LAMA2: variants seen among roughly 807,000 people sequenced by gnomAD.
LAMA2 encodes the protein laminin subunit alpha 2.
In LAMA2, 269 loss-of-function variants were observed where a neutral mutation model predicts 364.8. The ratio of observed to expected loss-of-function variants is 0.74; its 90% CI spans 0.67 to 0.82. LAMA2 has a LOEUF of 0.82. Ranked by LOEUF, LAMA2 falls within the 40% of genes least tolerant of loss-of-function variation. The pLI is 0.00. For synonymous variants in LAMA2, 1,379 were observed against 1,370.6 expected, an observed-to-expected ratio of 1.01 and a Z score of -0.14; for missense variants, 3,807 against 3,873.2, an observed-to-expected ratio of 0.98 and a Z score of 0.45.
intron 28 of LAMA2, among the ~76,000 whole-genome samples, chr6:129,325,533 G>GT (rs201833533): frequency 0.096 from 13,897 of 145,086 alleles, 1,118 homozygotes; most frequent in East Asian, 0.41. Flanking sequence ...GAGAATTTCT[G>GT]TTTTTTTTTT....
rs557961938 is a variant in LAMA2 at position 129,429,080 on chromosome 6, C to T, written c.5968+1226C>T. Among the ~76,000 whole-genome samples the T allele has an allele frequency of 2.0e-5, 3 of 152,250 alleles. No homozygotes were observed. The South Asian group carries it at 6.2e-4, about 32-fold the overall frequency. On this transcript the variant is annotated intron_variant, in intron 41 of 64. Transcript: ENST00000421865. ...CCCCTTGGAATGCCCCATCCTTCAC[C>T]TCTCTTCTTTGCCTAACTGCTTTCT...
intron 4 of LAMA2, among the ~76,000 whole-genome samples, chr6:129,122,624 A>G (rs561540341): frequency 1.3e-5 from 2 of 152,134 alleles, no homozygotes; most frequent in Non-Finnish European, 2.9e-5. Context: ...GTGTGGATTC[A>G]GCAATCTCCA....
At chr6:129,230,294 T>C (rs979996492) in intron 12 of LAMA2, among the ~76,000 whole-genome samples, 2 of 152,128 alleles carry the variant, frequency 1.3e-5, no homozygotes, top group Non-Finnish European at 2.9e-5. Context: ...GAAATGAGAA[T>C]TGACCATTGG....
At chr6:129,151,637 T>C (rs1562279668) in intron 7 of LAMA2, among the ~76,000 whole-genome samples, 2 of 152,150 alleles carry the variant, frequency 1.3e-5, no homozygotes, top group Non-Finnish European at 1.5e-5. Flanking sequence ...AGGAAACTTA[T>C]GATCAAAGGG....
chr6:129,455,597 C>G (rs1782921105), intron 47 of LAMA2, among the ~76,000 whole-genome samples: 1 of 152,044 alleles, frequency 6.6e-6, no homozygotes, highest in Non-Finnish European at 1.5e-5. Context: ...GACTGCTTGT[C>G]TCAAAAGAGA....
intron 12 of LAMA2, among the ~76,000 whole-genome samples, chr6:129,196,240 A>C (rs1781841763): frequency 6.6e-6 from 1 of 152,164 alleles, no homozygotes; most frequent in South Asian, 2.1e-4. Flanking sequence ...GGCTTCTAAA[A>C]GTAATCTCTG....
intron 17 of LAMA2, among the ~76,000 whole-genome samples, chr6:129,272,568 A>AAT (rs748247689): frequency 6.6e-6 from 1 of 152,194 alleles, no homozygotes; most frequent in Non-Finnish European, 1.5e-5. Flanking sequence ...TTTAAAAAAA[A>AAT]ATACACACTG....
At chr6:129,290,471 C>A (rs1789613916) in intron 19 of LAMA2, among the ~76,000 whole-genome samples, 1 of 152,030 alleles carries the variant, frequency 6.6e-6, no homozygotes, top group Non-Finnish European at 1.5e-5. Flanking sequence ...AAAAGCAGTT[C>A]TTTTGTTTGT....
intron 1 of LAMA2, among the ~76,000 whole-genome samples, chr6:128,964,454 C>T (rs1781721589): frequency 1.3e-5 from 2 of 152,048 alleles, no homozygotes; most frequent in South Asian, 2.1e-4. Flanking sequence ...TTTTATAGGA[C>T]AGGGTACTCT....
chr6:129,156,381 T>C (rs1263368012), intron 8 of LAMA2, among the ~76,000 whole-genome samples: 1 of 152,034 alleles, frequency 6.6e-6, no homozygotes, highest in East Asian at 1.9e-4. Flanking sequence ...ACAGAGATCT[T>C]GCATGTCTTT....
chr6:129,445,565 A>G lies in LAMA2; in HGVS notation c.6275-102A>G, dbSNP rs73775417. The G allele has an allele frequency of 9.1e-3, 9,016 of 991,974 alleles. 536 individuals carry two copies. The African/African-American group carries it at 0.13, about 14-fold the overall frequency. The allele number at this position is 991,974 out of a possible 1,614,324, so 61.4% of individuals were successfully genotyped here. On this transcript the variant is annotated intron_variant, in intron 44 of 64. Transcript: ENST00000421865. The stretch of plus-strand genomic sequence containing the variant: ...AGCTGTTATGGCCATGCTTTGTCAC[A>G]TTAATAAGATGAAATTGTTTGGTTA...
chr6:129,119,770 G>T (rs1244292262), intron 4 of LAMA2, among the ~76,000 whole-genome samples: 1 of 152,034 alleles, frequency 6.6e-6, no homozygotes, highest in East Asian at 1.9e-4. Flanking sequence ...GGATGGTCTC[G>T]ATCTTCTGAC....
chr6:129,066,047 T>TTTTTTTTTTTTTTTTTTTTTTC (rs71028144), intron 3 of LAMA2, among the ~76,000 whole-genome samples: 3 of 81,864 alleles, frequency 3.7e-5, no homozygotes, highest in Non-Finnish European at 5.0e-5. Flanking sequence ...GGTTTTTTTT[T>TTTTTTTTTTTTTTTTTTTTTTC]TTTTTTTTTT....
chr6:128,962,647 A>G (rs1781607118), intron 1 of LAMA2, among the ~76,000 whole-genome samples: 1 of 152,196 alleles, frequency 6.6e-6, no homozygotes, highest in Admixed American at 6.5e-5. Context: ...GTGCTTATGA[A>G]GACAAAAAGG....
chr6:129,023,058 AC>A (rs1677827131), intron 1 of LAMA2, among the ~76,000 whole-genome samples: 2 of 152,058 alleles, frequency 1.3e-5, no homozygotes, highest in South Asian at 4.1e-4. Context: ...CTTTTTTTAA[AC>A]AAAAATTTAT....
intron 43 of LAMA2, among the ~76,000 whole-genome samples, chr6:129,442,532 T>C (rs1782169585): frequency 6.6e-6 from 1 of 152,192 alleles, no homozygotes; most frequent in African/African-American, 2.4e-5. Context: ...ATTTTTAACT[T>C]TTATTTTAAG....
chr6:129,377,096 G>A (rs1414407133), intron 34 of LAMA2, among the ~76,000 whole-genome samples: 4 of 151,974 alleles, frequency 2.6e-5, no homozygotes, highest in African/African-American at 9.7e-5. Flanking sequence ...TAATTATATT[G>A]TTGAATATTT....
intron 6 of LAMA2, among the ~76,000 whole-genome samples, chr6:129,147,408 A>C (rs959260398): frequency 6.6e-6 from 1 of 152,014 alleles, no homozygotes; most frequent in Non-Finnish European, 1.5e-5. Context: ...CTAATCAAAA[A>C]ATTAATGCAA....
intron 1 of LAMA2, among the ~76,000 whole-genome samples, chr6:128,904,809 C>T (rs1777318174): frequency 6.6e-6 from 1 of 152,100 alleles, no homozygotes; most frequent in Admixed American, 6.5e-5. Flanking sequence ...GGCATAGTAA[C>T]ATGAAACATG....
Sources: allele counts gnomAD v4.1 joint callset (sites outside exome capture counted in the v4.1 genomes callset), GRCh38; gene constraint gnomAD v4.1.1; transcripts MANE v1.5; gene names NCBI Gene and HGNC (gene_info 2026-07-23, HGNC 2026-07-21).